Variants in FARP2 observed in about 807,000 individuals in gnomAD.
The protein encoded by FARP2 is FERM, ARHGEF and pleckstrin domain-containing protein 2.
In FARP2, 111 loss-of-function variants were observed where a neutral mutation model predicts 130.5. That is an observed-to-expected ratio of 0.85 (90% CI 0.73 to 1.00). The LOEUF (loss-of-function observed/expected upper bound fraction) is 1.00, where lower values mean the gene tolerates loss of function less well. Ranked by LOEUF, FARP2 falls within the 50% of genes least tolerant of loss-of-function variation. The pLI is 0.00. For missense variants in FARP2, 1,385 were observed against 1,346.3 expected (o/e 1.03, Z -0.45); for synonymous variants, 504 against 516.9 (o/e 0.98, Z 0.34).
chr2:241,475,341 G>A lies in FARP2; in HGVS notation c.2132-516G>A, dbSNP rs1348142471. On this transcript the variant is annotated intron_variant, in intron 18 of 26. Coordinates refer to ENST00000264042, the MANE Select transcript of FARP2 (RefSeq NM_014808.4). This position sits in a 1 kb window ranked among gnomAD's most constrained non-coding sequence, Gnocchi z 4.4. ...AGTCCTATAAGTCCTATAAGGCAGG[G>A]GTCCCCAGTGCCCATGGCTATGGAC... Among the ~76,000 whole-genome samples the A allele has an allele frequency of 6.6e-6, 1 of 152,188 alleles. No individual in the cohort carries two copies.
intron 8 of FARP2, among the ~76,000 whole-genome samples, chr2:241,426,361 A>G (rs1366768737): frequency 6.6e-6 from 1 of 152,278 alleles, no homozygotes; most frequent in Non-Finnish European, 1.5e-5. Context: ...ATATAAAAAA[A>G]GTAGTTAAAT....
At chr2:241,433,129 TAA>T (rs56707238) in intron 9 of FARP2, among the ~76,000 whole-genome samples, 9 of 143,904 alleles carry the variant, frequency 6.3e-5, no homozygotes, top group Admixed American at 1.4e-4. Context: ...ACTCTGTAAG[TAA>T]AAAAAAAAAA....
intron 2 of FARP2, among the ~76,000 whole-genome samples, chr2:241,396,662 A>T (rs1424432800): frequency 6.6e-6 from 1 of 152,238 alleles, no homozygotes; most frequent in Admixed American, 6.5e-5. Context: ...TAGAATGGCG[A>T]TCATTAAAAA....
At chr2:241,366,110 T>TATATATATAC (rs1340878615) in intron 1 of FARP2, among the ~76,000 whole-genome samples, 10,030 of 54,666 alleles carry the variant, frequency 0.18, 820 homozygotes, top group East Asian at 0.42. Flanking sequence ...AAAAAATATA[T>TATATATATAC]ATATATATAT....
At chr2:241,405,511 T>G (rs2062309814) in intron 4 of FARP2, 1 of 152,224 alleles carries the variant, frequency 6.6e-6, no homozygotes, top group South Asian at 2.1e-4. Flanking sequence ...AAGAAAAACG[T>G]GTAGAAATAA....
At chr2:241,370,809 A>G (rs2061407890) in intron 1 of FARP2, among the ~76,000 whole-genome samples, 4 of 152,202 alleles carry the variant, frequency 2.6e-5, no homozygotes, top group Admixed American at 6.5e-5. Context: ...TTTTGGTGCC[A>G]GTGACATTAA....
chr2:241,470,221 A>C (rs972977783), intron 18 of FARP2, among the ~76,000 whole-genome samples: 9 of 152,266 alleles, frequency 5.9e-5, no homozygotes, highest in Admixed American at 2.0e-4. Context: ...GGCAGAAGCC[A>C]GCCTTGCAAT....
chr2:241,406,119 T>C (rs13001766), intron 4 of FARP2, among the ~76,000 whole-genome samples: 29,119 of 151,664 alleles, frequency 0.19, 3,436 homozygotes, highest in Non-Finnish European at 0.27. Context: ...CTGGCTAACA[T>C]GGTGAAACTC....
At chr2:241,365,566 A>G (rs982637370) in intron 1 of FARP2, among the ~76,000 whole-genome samples, 4 of 152,204 alleles carry the variant, frequency 2.6e-5, no homozygotes, top group Non-Finnish European at 5.9e-5. Context: ...ATGTCTTAGT[A>G]GTTTTTATTT....
chr2:241,449,258 C>T (rs373216680), intron 13 of FARP2, among the ~76,000 whole-genome samples: 37 of 150,548 alleles, frequency 2.5e-4, no homozygotes, highest in African/African-American at 8.1e-4. Context: ...CCCAGGACTT[C>T]GAGACCTGCC....
chr2:241,376,967 A>G (rs1017207887), intron 2 of FARP2, among the ~76,000 whole-genome samples: 1 of 152,252 alleles, frequency 6.6e-6, no homozygotes, highest in Non-Finnish European at 1.5e-5. Flanking sequence ...TAAACGTGTT[A>G]AATGAATGAA....
rs2001874 is a variant in FARP2 at position 241,482,550 on chromosome 2, C to T, written c.2263-915C>T. On this transcript the variant is annotated intron_variant, in intron 19 of 26. Coordinates refer to ENST00000264042, the MANE Select transcript of FARP2 (RefSeq NM_014808.4). The surrounding 1 kb of genome is among the most constrained non-coding windows in gnomAD (Gnocchi z 4.6). Reference sequence around the variant, plus strand: ...GAGAGCCACAAGCTTAGTTACCGGCCCCATCCAGTTAACGCAAATGCATCC... The same window carrying T: ...GAGAGCCACAAGCTTAGTTACCGGCTCCATCCAGTTAACGCAAATGCATCC... Among the ~76,000 whole-genome samples the T allele has an allele frequency of 0.019, 2,870 of 152,276 alleles. 96 individuals carry two copies. Among genetic ancestry groups the T allele is most frequent in the African/African-American group, 0.066 (2,739 of 41,554 alleles).
rs572370396 is a variant in FARP2, at chr2:241,427,276, T to A, written c.772-4403T>A. Among the ~76,000 whole-genome samples the A allele has an allele frequency of 4.6e-5, 7 of 152,236 alleles. 1 individual carries two copies. The South Asian group carries it at 6.2e-4, about 14-fold the overall frequency. ...ACATATATGTGTCTGTGTAATTTTT[T>A]AAAAAATACAAATTTAACACAGTAC... On this transcript the variant is annotated intron_variant, in intron 8 of 26. Transcript: ENST00000264042.
intron 7 of FARP2, among the ~76,000 whole-genome samples, chr2:241,416,824 G>A (rs73004354): frequency 3.4e-4 from 52 of 152,166 alleles, no homozygotes; most frequent in African/African-American, 7.7e-4. Context: ...CGAAAGGATC[G>A]CTTGAGCCTG....
chr2:241,372,434 A>G (rs2061445121), intron 1 of FARP2: 1 of 152,224 alleles, frequency 6.6e-6, no homozygotes, highest in South Asian at 2.1e-4. Flanking sequence ...GAGACACGTT[A>G]GAAAAATCGC....
At chr2:241,415,106 G>A (rs778065388) in intron 7 of FARP2, among the ~76,000 whole-genome samples, 5 of 152,158 alleles carry the variant, frequency 3.3e-5, no homozygotes, top group Non-Finnish European at 7.3e-5. Flanking sequence ...GCTCCATCTC[G>A]GACATGACGG....
chr2:241,480,422 C>T (rs996018167), intron 19 of FARP2, among the ~76,000 whole-genome samples: 2 of 152,182 alleles, frequency 1.3e-5, no homozygotes, highest in African/African-American at 4.8e-5. Flanking sequence ...CAGCAGAGCT[C>T]TGGAGGAAGG....
chr2:241,431,035 C>T (rs2063077632), intron 8 of FARP2, among the ~76,000 whole-genome samples: 1 of 151,758 alleles, frequency 6.6e-6, no homozygotes, highest in Admixed American at 6.6e-5. Context: ...AATCTTTCCA[C>T]TTCTAATTTT....
In FARP2 at chr2:241,462,683, CTT is replaced by C. The variant is rs1418026732; in HGVS notation, c.1677+78_1677+79del. ...CTCATCTGAACACAGAGAAATATCT[CTT>C]TTTTTTCTTTTTTTCTTTTTTTGAG... On this transcript the variant is annotated intron_variant, in intron 15 of 26. Coordinates refer to ENST00000264042, the MANE Select transcript of FARP2 (RefSeq NM_014808.4). 1.4e-5 allele frequency: 15 copies of C among 1,046,706 alleles called. No individual in the cohort carries two copies. In the Middle Eastern group the frequency reaches 8.2e-4, roughly 57 times the overall value. 64.8% of individuals were successfully genotyped at this position (1,046,706 alleles called of 1,614,324 possible). A position where few individuals can be genotyped will look rare whatever the true frequency, so the allele number is the denominator to read the frequency against.
Sources: gnomAD v4.1 joint callset for allele counts (sites outside exome capture counted in the v4.1 genomes callset) on GRCh38, gnomAD v4.1.1 for gene constraint, Gnocchi (gnomAD v3.1) non-coding constraint, MANE v1.5 for transcripts, NCBI Gene and HGNC (gene_info 2026-07-23, HGNC 2026-07-21) for gene names.